The following ANKLE2 variants were observed in gnomAD, a reference collection of about 807,000 sequenced individuals.
The protein encoded by ANKLE2 is ankyrin repeat and LEM domain containing 2, also known as ankyrin repeat and LEM domain-containing protein 2.
Under a neutral mutation model 84.2 loss-of-function variants are expected in ANKLE2, and 55 were observed. The observed-to-expected ratio is 0.65, with a 90% CI of 0.53 to 0.82. ANKLE2 has a LOEUF of 0.82. Among genes scored for constraint, ANKLE2 ranks in the 40% least tolerant of loss-of-function variants. The pLI is 0.00. For synonymous variants in ANKLE2, 551 were observed against 486.1 expected, an observed-to-expected ratio of 1.13 and a Z score of -1.76; for missense variants, 1,238 against 1,201.9, an observed-to-expected ratio of 1.03 and a Z score of -0.44.
chr12:132,735,077 G>T lies in ANKLE2; in HGVS notation c.1700+329C>A, dbSNP rs554254322. On this transcript the variant is annotated intron_variant, in intron 9 of 12. Coordinates refer to ENST00000357997, the MANE Select transcript of ANKLE2 (RefSeq NM_015114.3). ...AGCATAATTTAGCTTTGTGGCTATGGCCTATTTTTTCCCAAGGAATCCATA... is the reference window on the plus strand; with the variant it reads ...AGCATAATTTAGCTTTGTGGCTATGTCCTATTTTTTCCCAAGGAATCCATA... 1.2e-5 allele frequency: 4 copies of T among 329,726 alleles called. No individual in the cohort carries two copies. The South Asian group carries it at 1.7e-4, about 14-fold the overall frequency. 20.4% of individuals were successfully genotyped at this position (329,726 alleles called of 1,614,324 possible). A position where few individuals can be genotyped will look rare whatever the true frequency, so the allele number is the denominator to read the frequency against.
chr12:132,760,932 C>G (rs1306687300), intron 1 of ANKLE2: 5 of 152,300 alleles, frequency 3.3e-5, no homozygotes, highest in African/African-American at 1.2e-4. Context: ...TAGGGGCTGC[C>G]GGCCACCAGT....
At chr12:132,739,171 C>T (rs1042233606) in intron 7 of ANKLE2, among the ~76,000 whole-genome samples, 2 of 152,126 alleles carry the variant, frequency 1.3e-5, no homozygotes, top group African/African-American at 2.4e-5. Flanking sequence ...TACTGATCAC[C>T]AGGTGAAATA....
chr12:132,740,321 G>A (rs1421011578), intron 7 of ANKLE2, among the ~76,000 whole-genome samples: 1 of 152,164 alleles, frequency 6.6e-6, no homozygotes, highest in South Asian at 2.1e-4. Flanking sequence ...GGGACAAGCA[G>A]AGGCTCTTCA....
At chr12:132,729,215 G>C (rs911411355) in intron 11 of ANKLE2, among the ~76,000 whole-genome samples, 2 of 148,180 alleles carry the variant, frequency 1.3e-5, no homozygotes, top group Non-Finnish European at 3.0e-5. Context: ...GCTAGACGTG[G>C]TGGCAGGCGC....
chr12:132,745,967 G>A (rs566535724), intron 5 of ANKLE2, among the ~76,000 whole-genome samples: 13 of 152,226 alleles, frequency 8.5e-5, no homozygotes, highest in African/African-American at 3.1e-4. Flanking sequence ...AGGTGAAACA[G>A]ATAACTGTGC....
Position 132,727,383 on chromosome 12 carries a change from A to AGGG in ANKLE2, c.2673_2675dup (p.Pro892dup). On this transcript the variant is annotated inframe_insertion, in exon 13 of 13. Coordinates refer to ENST00000357997, the MANE Select transcript of ANKLE2 (RefSeq NM_015114.3). ...TGTTTCTCCCCGGACTGTAGCTGTG[A>AGGG]GGGCCACTGAGATCTGGCAGCTGAG... is the stretch of plus-strand genomic sequence containing the variant. The AGGG allele has an allele frequency of 6.4e-7, 1 of 1,561,504 alleles. No individual in the cohort carries two copies. Among genetic ancestry groups the AGGG allele is most frequent in the Non-Finnish European group, 8.7e-7 (1 of 1,152,786 alleles).
intron 2 of ANKLE2, among the ~76,000 whole-genome samples, chr12:132,752,344 A>G (rs1359842331): frequency 2.0e-5 from 3 of 152,068 alleles, no homozygotes; most frequent in Admixed American, 6.5e-5. Flanking sequence ...GTCTCAAATA[A>G]TAAGTAAATA....
At chr12:132,755,984 T>G (rs1428654668) in intron 1 of ANKLE2, 3 of 151,798 alleles carry the variant, frequency 2.0e-5, no homozygotes, top group Non-Finnish European at 4.4e-5. Flanking sequence ...TAGCTGGGAT[T>G]ACAGGCGTGC....
rs1233122187 is a variant in ANKLE2 at position 132,754,709 on chromosome 12, C to T, written c.606G>A (p.Val202=). The change falls in exon 2 of 13, where the codon GTG becomes GTA. Residue 202 remains valine (V), a synonymous_variant. Transcript: ENST00000357997. ...CTGGGACGTCCTCATACACTGGACA[C>T]ACCCCATAGTACAGGGGCGGCTCCT... ...ASKEPPLYYG[V]CPVYEDVPAR... 1.2e-6 allele frequency: 2 copies of T among 1,613,486 alleles called. No individual in the cohort carries two copies. The highest frequency in any genetic ancestry group is 2.2e-5 in the East Asian group (1 of 44,876).
intron 6 of ANKLE2, 103 bp from the exon 7 acceptor site, chr12:132,741,588 G>GT: frequency 9.5e-7 from 1 of 1,057,276 alleles, no homozygotes; most frequent in Non-Finnish European, 1.4e-6. Flanking sequence ...AAGTAGAATA[G>GT]TATCTTAATG....
chr12:132,752,603 T>C (rs1014463814), intron 2 of ANKLE2, among the ~76,000 whole-genome samples: 2 of 151,958 alleles, frequency 1.3e-5, no homozygotes. Context: ...TCTCCTGACC[T>C]CGTGATCTGC....
intron 1 of ANKLE2, 64 bp downstream of exon 1, chr12:132,761,554 G>A (rs922798005): frequency 6.8e-6 from 8 of 1,172,556 alleles, no homozygotes; most frequent in Admixed American, 4.4e-5. Flanking sequence ...CCCCAGGCCC[G>A]AGGAGGGCGT....
At position 132,754,894 on chromosome 12, in the gene ANKLE2, C is replaced by T; in HGVS notation, c.421G>A (p.Ala141Thr). ...SQDPQRILKP[A>T]EGNPTDQAGF... Reference sequence around the variant, plus strand: ...GCCTGATCAGTTGGGTTCCCTTCAGCTGGCTTCAAAATCCTTTGTGGGTCC... The same window carrying T: ...GCCTGATCAGTTGGGTTCCCTTCAGTTGGCTTCAAAATCCTTTGTGGGTCC... The change falls in exon 2 of 13, where the codon GCT becomes ACT. Residue 141 changes from alanine (A) to threonine (T), a missense_variant. Ala to Thr is a moderately conservative substitution (Grantham distance 58). Transcript: ENST00000357997. 6.2e-7 allele frequency: 1 copy of T among 1,614,240 alleles called. No homozygotes were observed. The highest frequency in any genetic ancestry group is 8.5e-7 in the Non-Finnish European group (1 of 1,180,028).
intron 7 of ANKLE2, among the ~76,000 whole-genome samples, chr12:132,740,350 G>A (rs1426596248): frequency 2.0e-5 from 3 of 152,158 alleles, no homozygotes; most frequent in Admixed American, 2.0e-4. Context: ...ATCACGCTTG[G>A]TAAACTTCTA....
intron 2 of ANKLE2, 181 bp from the exon 3 acceptor site, chr12:132,751,030 C>A: frequency 1.7e-6 from 1 of 602,120 alleles, no homozygotes; most frequent in Non-Finnish European, 2.9e-6. Context: ...TTAACAAGCT[C>A]GACAGTGTGC....
chr12:132,748,860 C>CATATATATATATATATAT (rs767404623), intron 3 of ANKLE2: 1 of 145,070 alleles, frequency 6.9e-6, no homozygotes, highest in Non-Finnish European at 1.5e-5. Flanking sequence ...GGCTTATATA[C>CATATATATATATATATAT]ATATATATAT....
chr12:132,731,187 A>G (rs1474344056), intron 10 of ANKLE2: 1 of 152,254 alleles, frequency 6.6e-6, no homozygotes, highest in Non-Finnish European at 1.5e-5. Context: ...GAAATGCCTC[A>G]ACTTTATTTA....
Position 132,727,387 on chromosome 12 carries a change from C to A in ANKLE2, c.2672G>T (p.Gly891Val). 1.3e-6 allele frequency: 2 copies of A among 1,561,022 alleles called. No individual in the cohort carries two copies. The highest frequency in any genetic ancestry group is 2.4e-5 in the East Asian group (1 of 42,172). Residue 891 changes from glycine to valine, a missense_variant, in exon 13 of 13, where the codon GGC (glycine) becomes GTC (valine). By Grantham distance (109) the Gly-to-Val change is moderately radical. This residue lies in a region of ANKLE2 where 802 missense variants were observed against 774.5 expected (regional missense o/e 1.04). Coordinates refer to ENST00000357997, the MANE Select transcript of ANKLE2 (RefSeq NM_015114.3). The part of the protein sequence containing the change: ...RFKSQLPDLS[G>V]PHSYSPGRNS... ...TCTCCCCGGACTGTAGCTGTGAGGG[C>A]CACTGAGATCTGGCAGCTGAGACTT...
chr12:132,743,348 T>TATTC lies in ANKLE2; in HGVS notation c.1231-76_1231-73dup, dbSNP rs1555239951. ...GAGGTTGCTCTAAGGTGAAAATACA[T>TATTC]ATTCATTCATTCATTCATTCATTTA... On this transcript the variant is annotated intron_variant, in intron 5 of 12. Transcript: ENST00000357997. This position sits in a 1 kb window ranked among gnomAD's most constrained non-coding sequence, Gnocchi z 4.1. 4.2e-5 allele frequency: 62 copies of TATTC among 1,468,896 alleles called. No homozygotes were observed. Among genetic ancestry groups the TATTC allele is most frequent in the African/African-American group, 2.3e-4 (16 of 69,804 alleles). 91.0% of individuals were successfully genotyped at this position (1,468,896 alleles called of 1,614,324 possible).
Sources: gnomAD v4.1 joint callset for allele counts (sites outside exome capture counted in the v4.1 genomes callset) on GRCh38, gnomAD v4.1.1 for gene constraint, gnomAD v4.1.1 regional missense constraint, Gnocchi (gnomAD v3.1) non-coding constraint, MANE v1.5 for transcripts, NCBI Gene and HGNC (gene_info 2026-07-23, HGNC 2026-07-21) for gene names.